COL14A1: variants seen among roughly 807,000 people sequenced by gnomAD.
The protein encoded by COL14A1 is collagen type XIV alpha 1 chain, also known as collagen alpha-1(XIV) chain.
In COL14A1, 136 loss-of-function variants were observed where a neutral mutation model predicts 230.3. The ratio of observed to expected loss-of-function variants is 0.59; its 90% CI spans 0.51 to 0.68. The LOEUF (loss-of-function observed/expected upper bound fraction) is 0.68. COL14A1 is among the 30% of genes least tolerant of loss of function. COL14A1 has a pLI of 0.00. For missense variants in COL14A1, 1,976 were observed against 2,215.8 expected (o/e 0.89, Z 2.17); for synonymous variants, 792 against 784.1 (o/e 1.01, Z -0.17).
At chr8:120,306,918 G>A (rs2130064163) in intron 36 of COL14A1, among the ~76,000 whole-genome samples, 1 of 152,288 alleles carries the variant, frequency 6.6e-6, no homozygotes, top group East Asian at 1.9e-4. Flanking sequence ...AAAAAGTTGT[G>A]ACAGACTGGG....
intron 26 of COL14A1, among the ~76,000 whole-genome samples, chr8:120,270,887 A>G (rs1819646410): frequency 6.6e-6 from 1 of 151,780 alleles, no homozygotes; most frequent in African/African-American, 2.4e-5. Flanking sequence ...ACCCAAAGGA[A>G]TATAAATCAT....
intron 34 of COL14A1, among the ~76,000 whole-genome samples, chr8:120,295,610 A>G (rs1335093242): frequency 6.6e-6 from 1 of 151,828 alleles, no homozygotes; most frequent in Non-Finnish European, 1.5e-5. Flanking sequence ...TCTGTCCTCA[A>G]TACTGTCACT....
At chr8:120,141,589 A>G (rs1420694746) in intron 1 of COL14A1, among the ~76,000 whole-genome samples, 1 of 152,138 alleles carries the variant, frequency 6.6e-6, no homozygotes, top group African/African-American at 2.4e-5. Flanking sequence ...TTTTAAAGAT[A>G]AGCTATGGTT....
chr8:120,292,033 T>A (rs925448186), intron 34 of COL14A1, among the ~76,000 whole-genome samples: 1 of 152,142 alleles, frequency 6.6e-6, no homozygotes, highest in Non-Finnish European at 1.5e-5. Context: ...TTCTTAAAAT[T>A]TTGTTTTGCA....
chr8:120,262,975 G>A lies in COL14A1; in HGVS notation c.2977G>A (p.Glu993Lys), dbSNP rs1819386974. The change falls in exon 24 of 48, where the codon GAG becomes AAG. Residue 993 changes from glutamate (E) to lysine (K), a missense_variant. Around this residue, in one of 3 missense-constraint regions of COL14A1, gnomAD observed 1,791 missense variants for 2,019.5 expected, o/e 0.89. Coordinates refer to ENST00000297848, the MANE Select transcript of COL14A1 (RefSeq NM_021110.4). ...YKISVYTKLQEIEGPSVSIME... is the reference protein window; with the variant it reads ...YKISVYTKLQKIEGPSVSIME... ...AATCAGTGTTTATACAAAGCTCCAG[G>A]AGATTGAAGGACCTAGTGTGAGCAT... The A allele has an allele frequency of 6.2e-7, 1 of 1,613,178 alleles. No homozygotes were observed. The highest frequency in any genetic ancestry group is 8.5e-7 in the Non-Finnish European group (1 of 1,179,684).
chr8:120,147,989 T>G, intron 2 of COL14A1, 59 bp downstream of exon 2: 5 of 1,207,674 alleles, frequency 4.1e-6, no homozygotes, highest in Non-Finnish European at 4.8e-6. Flanking sequence ...TGTTTCTGAT[T>G]ATCATTTTAT....
chr8:120,286,803 C>T (rs1820218872), intron 33 of COL14A1, among the ~76,000 whole-genome samples: 1 of 152,216 alleles, frequency 6.6e-6, no homozygotes, highest in South Asian at 2.1e-4. Flanking sequence ...GCCACCGCGC[C>T]TGGCCACTTG....
Position 120,196,794 on chromosome 8 carries a change from T to A in COL14A1, c.440T>A (p.Val147Glu). 1.2e-6 allele frequency: 2 copies of A among 1,613,612 alleles called. No homozygotes were observed. The highest frequency in any genetic ancestry group is 2.2e-5 in the South Asian group (2 of 90,904). The change falls in exon 6 of 48, where the codon GTG becomes GAG. Residue 147 changes from valine (V) to glutamate (E), a missense_variant. Val to Glu is a moderately radical substitution (Grantham distance 121, BLOSUM62 -2). Coordinates refer to ENST00000297848, the MANE Select transcript of COL14A1 (RefSeq NM_021110.4). ...TTTTCTGGTTTGTGCTTTGCAGAAG[T>A]GAAATTTGTCTGTCAAACTCCAGCA... ...NGSRPSSPEE[V>E]KFVCQTPAIA... is the part of the protein sequence containing the mutation.
chr8:120,191,794 A>T (rs1231692139), intron 5 of COL14A1, among the ~76,000 whole-genome samples: 4 of 152,092 alleles, frequency 2.6e-5, no homozygotes, highest in Admixed American at 2.6e-4. Flanking sequence ...CTTTACAATT[A>T]TGTAATGGCC....
chr8:120,141,480 G>A (rs1027404847), intron 1 of COL14A1, among the ~76,000 whole-genome samples: 2 of 152,046 alleles, frequency 1.3e-5, no homozygotes, highest in Non-Finnish European at 2.9e-5. Context: ...AACAGATTGA[G>A]GCTGTTGTGA....
At chr8:120,258,851 T>G (rs927017174) in intron 23 of COL14A1, among the ~76,000 whole-genome samples, 1 of 152,136 alleles carries the variant, frequency 6.6e-6, no homozygotes, top group East Asian at 1.9e-4. Context: ...ATTTTATCCC[T>G]CTCTCCAGCT....
intron 8 of COL14A1, among the ~76,000 whole-genome samples, chr8:120,199,874 G>T (rs760650466): frequency 6.6e-6 from 1 of 152,002 alleles, no homozygotes; most frequent in Non-Finnish European, 1.5e-5. Context: ...AGTAAGTCAA[G>T]ACTTTCTCTT....
intron 22 of COL14A1, among the ~76,000 whole-genome samples, chr8:120,252,994 AGCCTTTGGTT>A (rs1819023820): frequency 6.6e-6 from 1 of 152,158 alleles, no homozygotes; most frequent in African/African-American, 2.4e-5. Context: ...AGGCCTAGGA[AGCCTTTGGTT>A]GGGGTTCTGA....
Position 120,208,322 on chromosome 8 carries a change from C to T in COL14A1, c.1282C>T (p.His428Tyr), listed in dbSNP as rs1817511727. Residue 428 changes from histidine to tyrosine, a missense_variant, in exon 11 of 48, where the codon CAC becomes TAC. Transcript: ENST00000297848. The stretch of plus-strand genomic sequence containing the variant: ...GATAGCAGTCTTTGCAATCTATGCC[C>T]ACACTGCTAGTGAAGGCCTACGGGG... ...YQIAVFAIYA[H>Y]TASEGLRGTE... 6.2e-7 allele frequency: 1 copy of T among 1,613,536 alleles called. No individual in the cohort carries two copies. Among genetic ancestry groups the T allele is most frequent in the East Asian group, 2.2e-5 (1 of 44,872 alleles).
At chr8:120,342,603 G>T (rs1287099271) in intron 44 of COL14A1, among the ~76,000 whole-genome samples, 157 bp downstream of exon 44, 1 of 152,180 alleles carries the variant, frequency 6.6e-6, no homozygotes, top group African/African-American at 2.4e-5. Flanking sequence ...ACCCATCAAA[G>T]AGATCACTGC....
rs898612578 is a variant in COL14A1, at chr8:120,365,052, C to T, written c.5078-2119C>T. Among the ~76,000 whole-genome samples, 16 of 151,680 alleles carry T rather than the reference C, an allele frequency of 1.1e-4. No individual in the cohort carries two copies. The East Asian group carries it at 2.3e-3, about 22-fold the overall frequency. On this transcript the variant is annotated intron_variant, in intron 45 of 47. Transcript: ENST00000297848. ...TGAGGCTAGTTCTCTCTTCTTACCT[C>T]GACATATGTTACAGATAATATCTGA...
intron 5 of COL14A1, among the ~76,000 whole-genome samples, chr8:120,186,994 A>G (rs1816672841): frequency 6.6e-6 from 1 of 152,178 alleles, no homozygotes; most frequent in South Asian, 2.1e-4. Flanking sequence ...GCAGGTAATG[A>G]GTTCCATCTA....
chr8:120,300,711 G>A (rs768553108), intron 35 of COL14A1, 21 bp from the exon 36 acceptor site: 2 of 1,594,918 alleles, frequency 1.3e-6, no homozygotes. Context: ...TAATGGTTGT[G>A]CTTTTTTTGT....
chr8:120,189,664 G>C lies in COL14A1; in HGVS notation c.437-7127G>C, dbSNP rs535061515. Among the ~76,000 whole-genome samples, 1,302 of 131,146 alleles carry C rather than the reference G, an allele frequency of 9.9e-3. 22 individuals are homozygous for C. Among genetic ancestry groups the C allele is most frequent in the African/African-American group, 0.037 (1,258 of 34,192 alleles). 86.0% of individuals were successfully genotyped at this position (131,146 alleles called of 152,430 possible). ...CCGACCCCACAACAGTCCCCAGAGT[G>C]TGATGTTCCCCTTCCTGTGTCCATG... On this transcript the variant is annotated intron_variant, in intron 5 of 47. Transcript: ENST00000297848.
Sources: gnomAD v4.1 joint callset for allele counts (sites outside exome capture counted in the v4.1 genomes callset) on GRCh38, gnomAD v4.1.1 for gene constraint, gnomAD v4.1.1 regional missense constraint, MANE v1.5 for transcripts, NCBI Gene and HGNC (gene_info 2026-07-23, HGNC 2026-07-21) for gene names.